JMJD7: variants seen among roughly 807,000 people sequenced by gnomAD.
The protein encoded by JMJD7 is bifunctional peptidase and (3S)-lysyl hydroxylase JMJD7.
JMJD7 carries 41 observed loss-of-function variants against 41.1 expected under a neutral mutation model. The ratio of observed to expected loss-of-function variants is 1.00; its 90% CI spans 0.78 to 1.30. The LOEUF is 1.30. JMJD7 is among the 50% of genes most tolerant of loss of function. JMJD7 has a pLI of 0.00. For synonymous variants in JMJD7, 202 were observed against 177.2 expected (o/e 1.14, Z -1.11); for missense variants, 480 against 420.7 (o/e 1.14, Z -1.23).
At position 41,837,231 on chromosome 15, in the gene JMJD7, A is replaced by G; in HGVS notation, c.*75A>G. ...CCCTCCCTGGCCAGGTCAATTCTCG[A>G]GAGAGCCTGGAGTGTGCATGCTGGC... On this transcript the variant is annotated 3_prime_UTR_variant, in exon 8 of 8. Transcript: ENST00000397299. The G allele has an allele frequency of 9.4e-7, 1 of 1,058,610 alleles. No individual in the cohort carries two copies. Among genetic ancestry groups the G allele is most frequent in the South Asian group, 1.4e-5 (1 of 72,922 alleles). The allele number at this position is 1,058,610 out of a possible 1,614,324, so 65.6% of individuals were successfully genotyped here. A position where few individuals can be genotyped will look rare whatever the true frequency, so the allele number is the denominator to read the frequency against.
intron 1 of JMJD7, among the ~76,000 whole-genome samples, chr15:41,833,414 A>ATTTTTTTTTTTTTTT (rs67111164): frequency 1.2e-4 from 4 of 32,012 alleles, no homozygotes; most frequent in Admixed American, 6.4e-4. Context: ...ATATATATAT[A>ATTTTTTTTTTTTTTT]TTTTTTTTTT....
intron 1 of JMJD7, among the ~76,000 whole-genome samples, chr15:41,828,767 C>T (rs1198339375): frequency 3.9e-5 from 6 of 152,054 alleles, no homozygotes; most frequent in African/African-American, 1.5e-4. Context: ...TCCTCCCAGC[C>T]CCAGTTTGCA....
At chr15:41,832,509 C>T (rs2065243659) in intron 1 of JMJD7, 1 of 152,532 alleles carries the variant, frequency 6.6e-6, no homozygotes, top group Non-Finnish European at 1.5e-5. Context: ...CCCCATCTCT[C>T]AAGGTGACTG....
At chr15:41,832,255 G>T (rs1209774110) in intron 1 of JMJD7, among the ~76,000 whole-genome samples, 1 of 152,216 alleles carries the variant, frequency 6.6e-6, no homozygotes, top group Non-Finnish European at 1.5e-5. Context: ...GATCCAGGCC[G>T]GTAGCATGAG....
intron 1 of JMJD7, among the ~76,000 whole-genome samples, chr15:41,831,274 A>C (rs114371019): frequency 0.018 from 2,798 of 152,220 alleles, 81 homozygotes; most frequent in African/African-American, 0.065. Flanking sequence ...GAGCTACTCT[A>C]GCCAGGGAAG....
intron 3 of JMJD7, 107 bp from the exon 4 acceptor site, chr15:41,835,481 T>G: frequency 9.4e-6 from 14 of 1,488,644 alleles, no homozygotes; most frequent in Non-Finnish European, 1.2e-5. Context: ...CCTGACCCCT[T>G]TCTTGGGATT....
At position 41,835,057 on chromosome 15, in the gene JMJD7, A is replaced by G. The variant is rs2065289684; in HGVS notation, c.306A>G (p.Pro102=). ...DAVRGDRFMM[P]AERRLPLSFV... ...TGAGAGGGGATCGCTTCATGATGCC[A>G]GCTGAGCGCCGCCTGCCCCTGAGCT... The change falls in exon 3 of 8, where the codon CCA becomes CCG. Residue 102 remains proline (P), a synonymous_variant. Coordinates refer to ENST00000397299, the MANE Select transcript of JMJD7 (RefSeq NM_001114632.2). 26 of 1,613,882 alleles carry G rather than the reference A, an allele frequency of 1.6e-5. No individual in the cohort carries two copies. Among genetic ancestry groups the G allele is most frequent in the Non-Finnish European group, 2.1e-5 (25 of 1,180,034 alleles).
intron 1 of JMJD7, among the ~76,000 whole-genome samples, chr15:41,833,898 C>T (rs927256483): frequency 6.6e-6 from 1 of 152,018 alleles, no homozygotes; most frequent in African/African-American, 2.4e-5. Context: ...ATGTGGATGC[C>T]AGTGGAGGAG....
In JMJD7 at chr15:41,836,998, T is replaced by C; in HGVS notation, c.862+58T>C. On this transcript the variant is annotated intron_variant, in intron 7 of 7. Transcript: ENST00000397299. ...CCCTGTCAAGGTCCAGCAGGGCCTC[T>C]GGGGGGAGGCTTGGGAGGCTCTAGG... 6 of 1,609,414 alleles carry C rather than the reference T, an allele frequency of 3.7e-6. No homozygotes were observed. The South Asian group carries it at 5.5e-5, about 15-fold the overall frequency.
intron 1 of JMJD7, among the ~76,000 whole-genome samples, chr15:41,830,061 G>A (rs2065206342): frequency 6.6e-6 from 1 of 152,172 alleles, no homozygotes; most frequent in African/African-American, 2.4e-5. Flanking sequence ...TCTGGGAGCA[G>A]CAGTGGTGGT....
At position 41,835,204 on chromosome 15, in the gene JMJD7, C is replaced by G; in HGVS notation, c.453C>G (p.Pro151=). 1 of 1,599,908 alleles carries G rather than the reference C, an allele frequency of 6.3e-7. No individual in the cohort carries two copies. Among genetic ancestry groups the G allele is most frequent in the Middle Eastern group, 1.7e-4 (1 of 5,984 alleles). ...QLLPDLESHV[P]WASEALGKMP... ...TGCCTGATCTGGAATCCCATGTGCC[C>G]TGGGCCTCCGAAGCCCTGGGTGAGT... Residue 151 remains proline, a synonymous_variant, in exon 3 of 8, where the codon CCC becomes CCG. Transcript: ENST00000397299.
rs758231246 is a variant in JMJD7, at chr15:41,836,572, C to T, written c.702+21C>T. 8 of 1,544,446 alleles carry T rather than the reference C, an allele frequency of 5.2e-6. No individual in the cohort carries two copies. The African/African-American group carries it at 9.5e-5, about 18-fold the overall frequency. On this transcript the variant is annotated intron_variant, in intron 6 of 7. Transcript: ENST00000397299. ...AGAAGGTGTCTGTCCTGTTCTTGGG[C>T]TCTAGGGAGGGAGAAGGGCAGAAGC... is the stretch of plus-strand genomic sequence containing the variant.
Position 41,836,180 on chromosome 15 carries a change from G to GT in JMJD7, c.563dup (p.Val189GlyfsTer21), listed in dbSNP as rs1567166356. On this transcript the variant is annotated frameshift_variant, in exon 5 of 8. Transcript: ENST00000397299. LOFTEE classifies it high-confidence loss of function. ...GGACCACTATGAGAACCTCTACTGC[G>GT]TGGTCTCAGGAGAGAAGCATTTCCT... 6.2e-7 allele frequency: 1 copy of GT among 1,611,864 alleles called. No individual in the cohort carries two copies. Among genetic ancestry groups the GT allele is most frequent in the South Asian group, 1.1e-5 (1 of 90,814 alleles).
intron 1 of JMJD7, among the ~76,000 whole-genome samples, chr15:41,833,389 A>AATAT (rs1567164757): frequency 5.8e-5 from 6 of 103,516 alleles, no homozygotes; most frequent in African/African-American, 1.8e-4. Context: ...ATGTAGGTGA[A>AATAT]ATACATATAT....
intron 1 of JMJD7, among the ~76,000 whole-genome samples, chr15:41,834,258 G>C (rs568500612): frequency 6.6e-6 from 1 of 152,354 alleles, no homozygotes; most frequent in South Asian, 2.1e-4. Context: ...GATTAGCCAA[G>C]CCAAGTGCTG....
chr15:41,834,819 C>T lies in JMJD7; in HGVS notation c.144C>T (p.Pro48=), dbSNP rs1344202631. ...ACTTCTACCGGGACTGGGTCTGCCC[C>T]AACAGGCCGTGCATTATCCGCAACG... ...PLHFYRDWVC[P]NRPCIIRNAL... is the part of the protein sequence containing the mutation. Residue 48 remains proline (P), a synonymous_variant, in exon 2 of 8, where the codon CCC becomes CCT. Transcript: ENST00000397299. 1.6e-5 allele frequency: 26 copies of T among 1,614,102 alleles called. No individual in the cohort carries two copies. Among genetic ancestry groups the T allele is most frequent in the Non-Finnish European group, 2.2e-5 (26 of 1,180,048 alleles).
At chr15:41,833,414 ATTTTTTTTT>A (rs67111164) in intron 1 of JMJD7, among the ~76,000 whole-genome samples, 2 of 32,012 alleles carry the variant, frequency 6.2e-5, no homozygotes, top group South Asian at 1.4e-3. Flanking sequence ...ATATATATAT[ATTTTTTTTT>A]TTTTTTTTTT....
chr15:41,836,734 CCTGGGGGGT>C (rs1208345650), intron 6 of JMJD7, 38 bp from the exon 7 acceptor site: 2 of 1,553,148 alleles, frequency 1.3e-6, no homozygotes, highest in Non-Finnish European at 1.7e-6. Context: ...AGCCTGAAGT[CCTGGGGGGT>C]CTGGGGGGCT....
chr15:41,828,492 A>C, intron 1 of JMJD7: 1 of 305,058 alleles, frequency 3.3e-6, no homozygotes, highest in Non-Finnish European at 6.0e-6. Context: ...TCGAAGGCAC[A>C]CAGCTGGTGG....
Sources: gnomAD v4.1 joint callset for allele counts (sites outside exome capture counted in the v4.1 genomes callset) on GRCh38, gnomAD v4.1.1 for gene constraint, MANE v1.5 for transcripts, NCBI Gene and HGNC (gene_info 2026-07-23, HGNC 2026-07-21) for gene names.